Variants in TCF4 observed in about 807,000 individuals in gnomAD.
TCF4 encodes the protein SL3-3 enhancer factor 2.
A neutral mutation model predicts 82.1 loss-of-function variants in TCF4; 3 were observed. The ratio of observed to expected loss-of-function variants is 0.04; its 90% CI spans 0.02 to 0.09. The LOEUF (loss-of-function observed/expected upper bound fraction) is 0.09, where lower values mean the gene tolerates loss of function less well. Ranked by LOEUF, TCF4 falls within the 10% of genes least tolerant of loss-of-function variation. The pLI is 1.00. For synonymous variants in TCF4, 276 were observed against 309.6 expected, an observed-to-expected ratio of 0.89 and a Z score of 1.14; for missense variants, 518 against 852.7, an observed-to-expected ratio of 0.61 and a Z score of 4.89.
chr18:55,362,298 A>C (rs564120342), intron 6 of TCF4, among the ~76,000 whole-genome samples: 13 of 150,844 alleles, frequency 8.6e-5, no homozygotes, highest in Non-Finnish European at 1.9e-4. Flanking sequence ...CCTGGGCAAC[A>C]GAATGAGACT....
At chr18:55,363,706 T>G (rs903356784) in intron 6 of TCF4, among the ~76,000 whole-genome samples, 3 of 152,092 alleles carry the variant, frequency 2.0e-5, no homozygotes, top group Admixed American at 6.5e-5. Flanking sequence ...TTAGAGAGGC[T>G]GAGGCAGAAG....
intron 3 of TCF4, among the ~76,000 whole-genome samples, chr18:55,538,361 T>C (rs2097137318): frequency 6.6e-6 from 1 of 152,168 alleles, no homozygotes; most frequent in Admixed American, 6.5e-5. Context: ...ATTGGGGACA[T>C]TTTTCCTATG....
intron 6 of TCF4, chr18:55,383,898 G>A (rs1439789694): frequency 6.6e-6 from 1 of 152,166 alleles, no homozygotes; most frequent in East Asian, 1.9e-4. Context: ...GAAACACTGG[G>A]TCTACCTTGA....
intron 7 of TCF4, among the ~76,000 whole-genome samples, chr18:55,350,657 T>C (rs1428944328): frequency 6.6e-6 from 1 of 151,938 alleles, no homozygotes; most frequent in African/African-American, 2.4e-5. Flanking sequence ...AAGAGAAAAC[T>C]AGACATAAGC....
intron 5 of TCF4, among the ~76,000 whole-genome samples, chr18:55,434,498 C>A (rs996714073): frequency 6.7e-6 from 1 of 148,272 alleles, no homozygotes; most frequent in African/African-American, 2.5e-5. Context: ...CGGCTCACTG[C>A]AAGCTCCGCC....
At chr18:55,539,202 C>A (rs2097144405) in intron 3 of TCF4, among the ~76,000 whole-genome samples, 2 of 152,012 alleles carry the variant, frequency 1.3e-5, no homozygotes, top group Admixed American at 6.6e-5. Context: ...GGGATAGGGG[C>A]TGGAGTTTTT....
At chr18:55,452,449 GGA>G (rs1016206957) in intron 5 of TCF4, 5 of 152,508 alleles carry the variant, frequency 3.3e-5, no homozygotes, top group African/African-American at 1.2e-4. Flanking sequence ...CAATGGTCCA[GGA>G]GAAAGATCTT....
At chr18:55,231,362 G>C (rs2047865282) in intron 17 of TCF4, 1 of 152,124 alleles carries the variant, frequency 6.6e-6, no homozygotes, top group African/African-American at 2.4e-5. Flanking sequence ...AAATAAACTA[G>C]TTATGCAAAT....
intron 8 of TCF4, among the ~76,000 whole-genome samples, chr18:55,335,839 TATTTTTTGTTGTGTAC>T (rs1416472414): frequency 6.6e-6 from 1 of 152,186 alleles, no homozygotes; most frequent in African/African-American, 2.4e-5. Flanking sequence ...ACTACATACA[TATTTTTTGTTGTGTAC>T]TATAAATTTG....
At chr18:55,365,191 A>ATATATATATATATATATATGTGTGTG (rs1361444592) in intron 6 of TCF4, among the ~76,000 whole-genome samples, 7 of 97,926 alleles carry the variant, frequency 7.1e-5, no homozygotes, top group African/African-American at 2.5e-4. Context: ...ATATATATAT[A>ATATATATATATATATATATGTGTGTG]TGTGTGTGTG....
intron 8 of TCF4, among the ~76,000 whole-genome samples, chr18:55,349,264 C>A (rs372902145): frequency 1.3e-4 from 20 of 152,036 alleles, no homozygotes; most frequent in African/African-American, 4.3e-4. Context: ...AAGACTTATT[C>A]TGATATATTC....
intron 8 of TCF4, among the ~76,000 whole-genome samples, chr18:55,320,134 T>C (rs2075130666): frequency 6.6e-6 from 1 of 151,558 alleles, no homozygotes; most frequent in Non-Finnish European, 1.5e-5. Context: ...TAAAAGATAA[T>C]AGGCAAAAGT....
At position 55,249,251 on chromosome 18, in the gene TCF4, T is replaced by A. The variant is rs11662517; in HGVS notation, c.1350+5246A>T. ...AAGCCCTAAGAGGTAAAAGTTCTCA[T>A]GTATATAATGTCAGTTAAATAAAAA... On this transcript the variant is annotated intron_variant, in intron 15 of 19. Coordinates refer to ENST00000354452, the MANE Select transcript of TCF4 (RefSeq NM_001083962.2). 5.1e-3 allele frequency among the ~76,000 whole-genome samples: 779 copies of A among 152,360 alleles called. 3 individuals carry two copies. Among genetic ancestry groups the A allele is most frequent in the Middle Eastern group, 0.01 (3 of 294 alleles).
intron 15 of TCF4, among the ~76,000 whole-genome samples, chr18:55,236,114 T>A (rs931111967): frequency 2.6e-5 from 4 of 152,112 alleles, no homozygotes; most frequent in East Asian, 1.9e-4. Context: ...AACTTTTTTT[T>A]AAATTTTGGG....
At chr18:55,429,994 T>A (rs1457569478) in intron 5 of TCF4, among the ~76,000 whole-genome samples, 1 of 152,044 alleles carries the variant, frequency 6.6e-6, no homozygotes, top group Non-Finnish European at 1.5e-5. Flanking sequence ...TCTTTTTGCA[T>A]ATGGACGACT....
intron 3 of TCF4, among the ~76,000 whole-genome samples, chr18:55,552,561 A>C (rs548942270): frequency 1.2e-3 from 179 of 152,310 alleles, no homozygotes; most frequent in Non-Finnish European, 2.1e-3. Context: ...AGTCGCCAAG[A>C]GGAGAAAAGG....
chr18:55,507,166 T>C (rs566723022), intron 3 of TCF4, among the ~76,000 whole-genome samples: 16 of 152,280 alleles, frequency 1.1e-4, no homozygotes, highest in Non-Finnish European at 2.2e-4. Context: ...CCTGGCCTTT[T>C]CTTAAGTGGG....
At chr18:55,506,319 C>CTAA (rs1323177158) in intron 3 of TCF4, among the ~76,000 whole-genome samples, 1 of 152,180 alleles carries the variant, frequency 6.6e-6, no homozygotes, top group Non-Finnish European at 1.5e-5. Flanking sequence ...AGGCTACTTA[C>CTAA]TAATAAGTGT....
At position 55,588,124 on chromosome 18, in the gene TCF4, G is replaced by T; in HGVS notation, c.-107C>A. On this transcript the variant is annotated 5_prime_UTR_variant, in exon 1 of 20. Coordinates refer to ENST00000354452, the MANE Select transcript of TCF4 (RefSeq NM_001083962.2). ...ACCGCCGCCGCCACCGCCGCCGCCT[G>T]CTCCTGCGCCCGCTCCCGCGCCTGC... The T allele has an allele frequency of 9.5e-7, 1 of 1,048,840 alleles. No homozygotes were observed. Among genetic ancestry groups the T allele is most frequent in the Non-Finnish European group, 1.1e-6 (1 of 876,738 alleles). The allele number at this position is 1,048,840 out of a possible 1,614,324, so 65.0% of individuals were successfully genotyped here.
Sources: gnomAD v4.1 joint callset for allele counts (sites outside exome capture counted in the v4.1 genomes callset) on GRCh38, gnomAD v4.1.1 for gene constraint, MANE v1.5 for transcripts, NCBI Gene and HGNC (gene_info 2026-07-23, HGNC 2026-07-21) for gene names.